GPATCH11: variants seen among roughly 807,000 people sequenced by gnomAD.
GPATCH11 encodes the protein G-patch domain containing 11, also known as G patch domain-containing protein 11.
GPATCH11 carries 32 observed loss-of-function variants against 44.8 expected under a neutral mutation model. The ratio of observed to expected loss-of-function variants is 0.71; its 90% CI spans 0.54 to 0.96. The LOEUF is 0.96. Ranked by LOEUF, GPATCH11 falls within the 40% of genes least tolerant of loss-of-function variation. GPATCH11 has a pLI of 0.00. For missense variants in GPATCH11, 324 were observed against 303.1 expected (o/e 1.07, Z -0.51); for synonymous variants, 84 against 94.4 (o/e 0.89, Z 0.64).
Position 37,089,735 on chromosome 2 carries a change from A to C in GPATCH11, c.155A>C (p.Gln52Pro), listed in dbSNP as rs1364201761. The C allele has an allele frequency of 6.4e-7, 1 of 1,551,844 alleles. No individual in the cohort carries two copies. The highest frequency in any genetic ancestry group is 2.0e-5 in the Admixed American group (1 of 50,996). ...CAGGAAGCCAATTTGAAAAACAGGC[A>C]GAAGAGTTTAAAAGAAGAAGAACAA... ...KQQEANLKNR[Q>P]KSLKEEEQER... The change falls in exon 3 of 9, where the codon CAG (glutamine) becomes CCG (proline). Residue 52 changes from glutamine to proline, a missense_variant. Coordinates refer to ENST00000674370, the MANE Select transcript of GPATCH11 (RefSeq NM_174931.4).
chr2:37,092,471 ATATATATAATATATATAT>A (rs1369390768), intron 6 of GPATCH11, among the ~76,000 whole-genome samples: 16 of 135,222 alleles, frequency 1.2e-4, no homozygotes, highest in Admixed American at 9.5e-4. Flanking sequence ...TTATGTATTT[ATATATATAATATATATAT>A]TATATATATA....
rs2148650982 is a variant in GPATCH11 at position 37,096,330 on chromosome 2, T to C, written c.*67T>C. On this transcript the variant is annotated 3_prime_UTR_variant, in exon 9 of 9. Transcript: ENST00000674370. ...TTCCTAGGGATAGACAATTTAGCAG[T>C]TGGAAATCTCAAATTTTTTATGCCA... The C allele has an allele frequency of 9.8e-7, 1 of 1,023,044 alleles. No homozygotes were observed. Among genetic ancestry groups the C allele is most frequent in the African/African-American group, 1.6e-5 (1 of 60,870 alleles). 63.4% of individuals were successfully genotyped at this position (1,023,044 alleles called of 1,614,324 possible).
chr2:37,096,205 C>A lies in GPATCH11; in HGVS notation c.737-3C>A, dbSNP rs978374613. 12 of 1,550,500 alleles carry A rather than the reference C, an allele frequency of 7.7e-6. No homozygotes were observed. Among genetic ancestry groups the A allele is most frequent in the Non-Finnish European group, 8.8e-6 (10 of 1,137,510 alleles). ...TCTTTCATTTCCCTCACATAACTTACAGATAAAGAAGACCTATCTTCAAAT... is the reference window on the plus strand; with the variant it reads ...TCTTTCATTTCCCTCACATAACTTAAAGATAAAGAAGACCTATCTTCAAAT... On this transcript the variant is annotated splice_polypyrimidine_tract_variant and splice_region_variant and intron_variant, in intron 8 of 8. Coordinates refer to ENST00000674370, the MANE Select transcript of GPATCH11 (RefSeq NM_174931.4).
intron 6 of GPATCH11, among the ~76,000 whole-genome samples, chr2:37,093,031 A>G (rs941820111): frequency 1.3e-5 from 2 of 152,110 alleles, no homozygotes; most frequent in Non-Finnish European, 2.9e-5. Flanking sequence ...CTGTAGTCCT[A>G]TCTACTCAGG....
At chr2:37,095,291 A>G in intron 7 of GPATCH11, 146 bp from the exon 8 acceptor site, 2 of 969,466 alleles carry the variant, frequency 2.1e-6, no homozygotes, top group Non-Finnish European at 2.8e-6. Context: ...ATTCGAATAT[A>G]TCAGTTCTGT....
At chr2:37,087,780 G>GA (rs1673118474) in intron 1 of GPATCH11, among the ~76,000 whole-genome samples, 2 of 152,186 alleles carry the variant, frequency 1.3e-5, no homozygotes, top group Non-Finnish European at 2.9e-5. Flanking sequence ...CTTGAATAAT[G>GA]AATCCTTAGG....
intron 8 of GPATCH11, 113 bp downstream of exon 8, chr2:37,095,631 G>T: frequency 8.4e-7 from 1 of 1,189,504 alleles, no homozygotes. Context: ...TGGCAGTATG[G>T]GACCAATTTC....
intron 4 of GPATCH11, 69 bp downstream of exon 4, chr2:37,090,791 G>C (rs1414694539): frequency 1.3e-6 from 1 of 756,382 alleles, no homozygotes; most frequent in Admixed American, 3.2e-5. Context: ...ACATATATTT[G>C]CTCAATAAAT....
chr2:37,098,398 A>G lies in GPATCH11; in HGVS notation c.*2135A>G, dbSNP rs1053580206. On this transcript the variant is annotated 3_prime_UTR_variant, in exon 9 of 9. Coordinates refer to ENST00000674370, the MANE Select transcript of GPATCH11 (RefSeq NM_174931.4). ...GAGAGAGAGAGAGAGAGAGCTATTA[A>G]TAAAACAGAGGAGTACATTTTACCC... 1 of 151,190 alleles carries G rather than the reference A, an allele frequency of 6.6e-6. No homozygotes were observed. The highest frequency in any genetic ancestry group is 1.5e-5 in the Non-Finnish European group (1 of 67,880). 9.4% of individuals were successfully genotyped at this position (151,190 alleles called of 1,614,324 possible).
In GPATCH11 at chr2:37,096,963, A is replaced by G. The variant is rs1673618217; in HGVS notation, c.*700A>G. ...GGAGGGGAAAAGTATTCCCCTCAAT[A>G]AGGCTGATGTCAGAGGCAATGTTCG... On this transcript the variant is annotated 3_prime_UTR_variant, in exon 9 of 9. Coordinates refer to ENST00000674370, the MANE Select transcript of GPATCH11 (RefSeq NM_174931.4). The G allele has an allele frequency of 6.6e-6, 1 of 151,918 alleles. No individual in the cohort carries two copies. Among genetic ancestry groups the G allele is most frequent in the African/African-American group, 2.4e-5 (1 of 41,324 alleles). The allele number at this position is 151,918 out of a possible 1,614,324, so 9.4% of individuals were successfully genotyped here.
intron 5 of GPATCH11, 58 bp from the exon 6 acceptor site, chr2:37,092,107 A>G (rs2148643335): frequency 6.4e-7 from 1 of 1,572,328 alleles, no homozygotes; most frequent in Non-Finnish European, 8.6e-7. Flanking sequence ...GTACTTGGGC[A>G]TATAAAATGG....
chr2:37,088,030 A>AG (rs1444594162), intron 1 of GPATCH11, among the ~76,000 whole-genome samples: 2 of 152,184 alleles, frequency 1.3e-5, no homozygotes, highest in Non-Finnish European at 2.9e-5. Context: ...AGTTCAGGTG[A>AG]GAAAAAAAAA....
chr2:37,086,025 C>T (rs1385236461), intron 1 of GPATCH11, among the ~76,000 whole-genome samples: 1 of 152,186 alleles, frequency 6.6e-6, no homozygotes, highest in Non-Finnish European at 1.5e-5. Flanking sequence ...CCACTGACTT[C>T]CTTCAAGTGA....
intron 2 of GPATCH11, 139 bp from the exon 3 acceptor site, chr2:37,089,501 A>C (rs1673203876): frequency 1.5e-6 from 1 of 647,728 alleles, no homozygotes; most frequent in African/African-American, 1.8e-5. Context: ...CAGGAGGCGG[A>C]GGTTGCAGTG....
At chr2:37,085,869 T>A (rs1673002146) in intron 1 of GPATCH11, among the ~76,000 whole-genome samples, 1 of 152,226 alleles carries the variant, frequency 6.6e-6, no homozygotes, top group Non-Finnish European at 1.5e-5. Context: ...GCTGAGTCAT[T>A]TGAAGGCCTG....
chr2:37,085,707 T>C (rs1672985306), intron 1 of GPATCH11, among the ~76,000 whole-genome samples: 3 of 152,254 alleles, frequency 2.0e-5, no homozygotes, highest in African/African-American at 7.2e-5. Context: ...TGATAACTTT[T>C]GCTACATAAC....
rs1023866094 is a variant in GPATCH11 at position 37,096,897 on chromosome 2, G to C, written c.*634G>C. On this transcript the variant is annotated 3_prime_UTR_variant, in exon 9 of 9. Coordinates refer to ENST00000674370, the MANE Select transcript of GPATCH11 (RefSeq NM_174931.4). The stretch of plus-strand genomic sequence containing the variant: ...TTTTCCTACACTTCTTGCTTTGAAG[G>C]AGCAAGGAGAAGTTCCCTTCCCTCC... The C allele has an allele frequency of 5.9e-5, 9 of 151,980 alleles. No homozygotes were observed. The highest frequency in any genetic ancestry group is 1.9e-4 in the East Asian group (1 of 5,138). 9.4% of individuals were successfully genotyped at this position (151,980 alleles called of 1,614,324 possible).
Position 37,084,851 on chromosome 2 carries a change from C to T in GPATCH11, c.-14+281C>T, listed in dbSNP as rs574826792. On this transcript the variant is annotated intron_variant, in intron 1 of 8. Coordinates refer to ENST00000674370, the MANE Select transcript of GPATCH11 (RefSeq NM_174931.4). ...TCTCAATATGTCTGTTTCCCGACTA[C>T]GCCCCCTAAAAAAACAAAAACAAAC... is the stretch of plus-strand genomic sequence containing the variant. Among the ~76,000 whole-genome samples, 28 of 152,242 alleles carry T rather than the reference C, an allele frequency of 1.8e-4. No individual in the cohort carries two copies. In the East Asian group the frequency reaches 4.4e-3, roughly 24 times the overall value.
chr2:37,099,212 G>T lies in GPATCH11; in HGVS notation c.*2949G>T, dbSNP rs1043857443. On this transcript the variant is annotated 3_prime_UTR_variant, in exon 9 of 9. Transcript: ENST00000674370. Reference sequence around the variant, plus strand: ...AATAAATACTTTAACATACCAAATTGGTTTTTCTAATAAACATTTATTTCA... The same window carrying T: ...AATAAATACTTTAACATACCAAATTTGTTTTTCTAATAAACATTTATTTCA... 12 of 151,988 alleles carry T rather than the reference G, an allele frequency of 7.9e-5. No individual in the cohort carries two copies. The highest frequency in any genetic ancestry group is 1.6e-4 in the Non-Finnish European group (11 of 68,012). 9.4% of individuals were successfully genotyped at this position (151,988 alleles called of 1,614,324 possible).
Sources: allele counts gnomAD v4.1 joint callset (sites outside exome capture counted in the v4.1 genomes callset), GRCh38; gene constraint gnomAD v4.1.1; transcripts MANE v1.5; gene names NCBI Gene and HGNC (gene_info 2026-07-23, HGNC 2026-07-21).